The following EXD2 variants were observed in gnomAD, a reference collection of about 807,000 sequenced individuals.
The protein encoded by EXD2 is exonuclease 3'-5' domain-containing protein 2.
Under a neutral mutation model 62.5 loss-of-function variants are expected in EXD2, and 40 were observed. That is an observed-to-expected ratio of 0.64 (90% CI 0.50 to 0.83). The LOEUF (loss-of-function observed/expected upper bound fraction) is 0.83. EXD2 is among the 40% of genes least tolerant of loss of function. The probability of loss-of-function intolerance (pLI) is 0.00; values close to 1 mark genes in which losing one functional copy is unlikely to be tolerated. For missense variants in EXD2, 671 were observed against 761.8 expected (o/e 0.88, Z 1.40); for synonymous variants, 239 against 291.9 (o/e 0.82, Z 1.85).
In EXD2 at chr14:69,220,253, G is replaced by GTTTTTTTTTTTTTTTTT. The variant is rs869194045; in HGVS notation, c.334-8544_334-8528dup. Among the ~76,000 whole-genome samples, 8 of 35,114 alleles carry GTTTTTTTTTTTTTTTTT rather than the reference G, an allele frequency of 2.3e-4. 3 individuals carry two copies. Among genetic ancestry groups the GTTTTTTTTTTTTTTTTT allele is most frequent in the African/African-American group, 4.9e-4 (4 of 8,216 alleles). The allele number at this position is 35,114 out of a possible 152,430, so 23.0% of individuals were successfully genotyped here. On this transcript the variant is annotated intron_variant, in intron 3 of 9. Transcript: ENST00000685843. ...CTCTCAGCAAGTGTTTTGTCTCTCTGTTTTTTTTTTTTTTTTTTTTTTTTT... is the reference window on the plus strand; with the variant it reads ...CTCTCAGCAAGTGTTTTGTCTCTCTGTTTTTTTTTTTTTTTTTTTTTTTTTTTTTTTTTTTTTTTTTT...
At chr14:69,223,434 G>A (rs1594764199) in intron 3 of EXD2, among the ~76,000 whole-genome samples, 1 of 152,322 alleles carries the variant, frequency 6.6e-6, no homozygotes, top group East Asian at 1.9e-4. Flanking sequence ...TGTCCAACAG[G>A]ATGGTGATAT....
At chr14:69,220,253 G>GTTTTTTGTTTTTTTTTT (rs2043126549) in intron 3 of EXD2, among the ~76,000 whole-genome samples, 4 of 35,094 alleles carry the variant, frequency 1.1e-4, no homozygotes, top group Non-Finnish European at 2.0e-4. Context: ...TTGTCTCTCT[G>GTTTTTTGTTTTTTTTTT]TTTTTTTTTT....
intron 3 of EXD2, among the ~76,000 whole-genome samples, chr14:69,215,175 A>C (rs1337518933): frequency 6.6e-6 from 1 of 152,076 alleles, no homozygotes; most frequent in African/African-American, 2.4e-5. Context: ...GTATAATCCC[A>C]GTTACTTGGG....
chr14:69,230,000 T>C (rs1289469815), intron 4 of EXD2, among the ~76,000 whole-genome samples: 1 of 152,248 alleles, frequency 6.6e-6, no homozygotes, highest in Admixed American at 6.5e-5. Context: ...ATTAAAACTC[T>C]GCGAAAGTCT....
chr14:69,230,166 C>A (rs1357377652), intron 4 of EXD2, among the ~76,000 whole-genome samples: 1 of 152,158 alleles, frequency 6.6e-6, no homozygotes, highest in Non-Finnish European at 1.5e-5. Context: ...AGTCTCAGTG[C>A]TGCCACTTGC....
At chr14:69,221,340 GT>G (rs1385493424) in intron 3 of EXD2, among the ~76,000 whole-genome samples, 1 of 152,140 alleles carries the variant, frequency 6.6e-6, no homozygotes, top group African/African-American at 2.4e-5. Context: ...TTTAAGGGAA[GT>G]TTTTGAATTA....
chr14:69,241,358 A>C lies in EXD2; in HGVS notation c.*258A>C. On this transcript the variant is annotated 3_prime_UTR_variant, in exon 10 of 10. Coordinates refer to ENST00000685843, the MANE Select transcript of EXD2 (RefSeq NM_001193360.2). ...AAGAGAGGCCTTCGCCTTTATTTTT[A>C]CTCTCCCTCTTCTGCTGTCCCTGTG... The C allele has an allele frequency of 4.7e-6, 2 of 424,358 alleles. No individual in the cohort carries two copies. The highest frequency in any genetic ancestry group is 8.4e-6 in the Non-Finnish European group (2 of 237,562). 26.3% of individuals were successfully genotyped at this position (424,358 alleles called of 1,614,324 possible). A position where few individuals can be genotyped will look rare whatever the true frequency, so the allele number is the denominator to read the frequency against.
chr14:69,210,127 T>G, intron 3 of EXD2: 2 of 189,214 alleles, frequency 1.1e-5, no homozygotes, highest in African/African-American at 2.3e-5. Flanking sequence ...TCATGGTACC[T>G]ACCTCCAGTG....
At chr14:69,195,426 G>A (rs1278766075) in intron 1 of EXD2, among the ~76,000 whole-genome samples, 1 of 152,102 alleles carries the variant, frequency 6.6e-6, no homozygotes, top group Non-Finnish European at 1.5e-5. Flanking sequence ...TGAACTCCTG[G>A]GTTCAAGTGA....
At chr14:69,236,853 A>T (rs2043812202) in intron 8 of EXD2, among the ~76,000 whole-genome samples, 1 of 152,104 alleles carries the variant, frequency 6.6e-6, no homozygotes, top group Non-Finnish European at 1.5e-5. Context: ...TGTCCCTCTC[A>T]TCCTCTCTTG....
At chr14:69,201,672 G>GTTTTTTGGTTTTTTTTT (rs2042402768) in intron 1 of EXD2, among the ~76,000 whole-genome samples, 1 of 58,992 alleles carries the variant, frequency 1.7e-5, no homozygotes, top group African/African-American at 6.8e-5. Context: ...TGTTTTCTCT[G>GTTTTTTGGTTTTTTTTT]TTTTTTTTTT....
intron 3 of EXD2, among the ~76,000 whole-genome samples, chr14:69,227,766 G>A (rs1418468781): frequency 7.9e-5 from 12 of 152,040 alleles, no homozygotes; most frequent in Admixed American, 2.0e-4. Context: ...CTCGGGAGGC[G>A]GAGGTTGCAG....
At chr14:69,195,546 A>C (rs1203003597) in intron 1 of EXD2, among the ~76,000 whole-genome samples, 1 of 152,164 alleles carries the variant, frequency 6.6e-6, no homozygotes, top group Admixed American at 6.5e-5. Context: ...CACACCATAC[A>C]ATTCTTCAAA....
In EXD2 at chr14:69,201,922, T is replaced by A. The variant is rs1448696870; in HGVS notation, c.-131-1995T>A. The stretch of plus-strand genomic sequence containing the variant: ...GTGTTGAACTCCTGACCTCAGGTAT[T>A]CCACCTGCCTCGGCCTCCCAAAGTG... On this transcript the variant is annotated intron_variant, in intron 1 of 9. Coordinates refer to ENST00000685843, the MANE Select transcript of EXD2 (RefSeq NM_001193360.2). 2.6e-5 allele frequency among the ~76,000 whole-genome samples: 4 copies of A among 152,064 alleles called. No homozygotes were observed. In the East Asian group the frequency reaches 7.8e-4, roughly 30 times the overall value.
chr14:69,192,143 C>A (rs559561946), intron 1 of EXD2: 2 of 152,302 alleles, frequency 1.3e-5, no homozygotes, highest in African/African-American at 2.4e-5. Flanking sequence ...TGGGATGGAT[C>A]AAAACTAAGA....
chr14:69,228,934 C>T lies in EXD2; in HGVS notation c.452C>T (p.Thr151Met), dbSNP rs375121547. 1.2e-5 allele frequency: 20 copies of T among 1,614,014 alleles called. No individual in the cohort carries two copies. Among genetic ancestry groups the T allele is most frequent in the African/African-American group, 8.0e-5 (6 of 74,890 alleles). ...LICGGKTLPRTLLDILADGTI... is the reference protein window; with the variant it reads ...LICGGKTLPRMLLDILADGTI... ...TGTGGAGGAAAAACACTACCAAGAA[C>T]GTTATTGGATATTTTGGCAGATGGC... is the stretch of plus-strand genomic sequence containing the variant. Residue 151 changes from threonine (T) to methionine (M), a missense_variant, in exon 4 of 10, where the codon ACG (threonine) becomes ATG (methionine). Thr to Met is a moderately conservative substitution (Grantham distance 81). Transcript: ENST00000685843.
In EXD2 at chr14:69,242,226, TTATTTTA is replaced by T; in HGVS notation, c.*1129_*1135del. On this transcript the variant is annotated 3_prime_UTR_variant, in exon 10 of 10. Coordinates refer to ENST00000685843, the MANE Select transcript of EXD2 (RefSeq NM_001193360.2). ...TTTCTAAAGTATTGGGAAAACTTTCTTATTTTATAAGATCTTAACAAGCTTAAAAAAG... is the reference window on the plus strand; with the variant it reads ...TTTCTAAAGTATTGGGAAAACTTTCTTAAGATCTTAACAAGCTTAAAAAAG... 7.6e-6 allele frequency: 3 copies of T among 393,700 alleles called. No homozygotes were observed. The allele number at this position is 393,700 out of a possible 1,614,324, so 24.4% of individuals were successfully genotyped here.
intron 9 of EXD2, among the ~76,000 whole-genome samples, chr14:69,240,004 T>C (rs1484988723): frequency 6.6e-6 from 1 of 152,232 alleles, no homozygotes; most frequent in Admixed American, 6.5e-5. Flanking sequence ...GACTTGTGAC[T>C]GAGAAGAACA....
chr14:69,211,507 A>G (rs1390243545), intron 3 of EXD2, among the ~76,000 whole-genome samples: 1 of 149,802 alleles, frequency 6.7e-6, no homozygotes, highest in Non-Finnish European at 1.5e-5. Context: ...TGTGATGACC[A>G]AAAAGAGAAC....
Sources: gnomAD v4.1 joint callset for allele counts (sites outside exome capture counted in the v4.1 genomes callset) on GRCh38, gnomAD v4.1.1 for gene constraint, MANE v1.5 for transcripts, NCBI Gene and HGNC (gene_info 2026-07-23, HGNC 2026-07-21) for gene names.